The following ATRNL1 variants were observed in gnomAD, a reference collection of about 807,000 sequenced individuals.
ATRNL1 encodes attractin-like protein 1.
In ATRNL1, 95 loss-of-function variants were observed where a neutral mutation model predicts 182.7. The observed-to-expected ratio is 0.52, with a 90% CI of 0.44 to 0.62. ATRNL1 has a LOEUF of 0.62. ATRNL1 is among the 20% of genes least tolerant of loss of function. The pLI, the probability that ATRNL1 is intolerant of heterozygous loss-of-function variation, is 0.00. For missense variants in ATRNL1, 1,471 were observed against 1,679.5 expected, an observed-to-expected ratio of 0.88 and a Z score of 2.17; for synonymous variants, 576 against 568.3, an observed-to-expected ratio of 1.01 and a Z score of -0.19.
intron 26 of ATRNL1, among the ~76,000 whole-genome samples, chr10:115,562,524 C>T (rs1853818663): frequency 1.3e-5 from 2 of 152,022 alleles, no homozygotes; most frequent in South Asian, 4.1e-4. Context: ...TGTGTCCCAC[C>T]CAAATTTCAT....
intron 17 of ATRNL1, among the ~76,000 whole-genome samples, chr10:115,310,555 G>C (rs1486524983): frequency 6.6e-6 from 1 of 151,996 alleles, no homozygotes; most frequent in Non-Finnish European, 1.5e-5. Flanking sequence ...CCTAATTTAA[G>C]CTAGGAGAGT....
intron 27 of ATRNL1, among the ~76,000 whole-genome samples, chr10:115,811,061 G>A (rs1950036136): frequency 6.6e-6 from 1 of 151,680 alleles, no homozygotes; most frequent in African/African-American, 2.4e-5. Flanking sequence ...GTCCTAGGAG[G>A]GAAGCTTGGA....
intron 8 of ATRNL1, among the ~76,000 whole-genome samples, chr10:115,173,763 G>C (rs1053853155): frequency 6.6e-6 from 1 of 151,372 alleles, no homozygotes. Context: ...TATTGCCCTT[G>C]TTTTGTTTTT....
intron 21 of ATRNL1, among the ~76,000 whole-genome samples, chr10:115,444,547 T>C (rs1846863087): frequency 6.6e-6 from 1 of 151,970 alleles, no homozygotes; most frequent in Non-Finnish European, 1.5e-5. Flanking sequence ...TCTGTATAAT[T>C]ATATTTTTGT....
chr10:115,610,965 A>C (rs570509480), intron 26 of ATRNL1, among the ~76,000 whole-genome samples: 1 of 152,260 alleles, frequency 6.6e-6, no homozygotes, highest in Admixed American at 6.5e-5. Flanking sequence ...AATTTGTTCT[A>C]AAATTTTAAA....
intron 9 of ATRNL1, among the ~76,000 whole-genome samples, chr10:115,234,206 G>A (rs1850078437): frequency 6.6e-6 from 1 of 151,964 alleles, no homozygotes; most frequent in Non-Finnish European, 1.5e-5. Context: ...GTTTTGGTAA[G>A]ATATATTTAA....
Position 115,622,040 on chromosome 10 carries a change from GCA to G in ATRNL1, c.3795+72508_3795+72509del, listed in dbSNP as rs1483211946. On this transcript the variant is annotated intron_variant, in intron 26 of 28. Transcript: ENST00000355044. ...AGAGCAGAGGGCTCAGGTGACTGCT[GCA>G]CACTGTTCTTAAGAATTACTGCTTT... 4.6e-5 allele frequency among the ~76,000 whole-genome samples: 7 copies of G among 152,254 alleles called. No homozygotes were observed. In the East Asian group the frequency reaches 1.4e-3, roughly 29 times the overall value.
intron 24 of ATRNL1, among the ~76,000 whole-genome samples, chr10:115,501,888 A>G (rs115905265): frequency 0.034 from 5,171 of 152,060 alleles, 258 homozygotes; most frequent in African/African-American, 0.12. Flanking sequence ...TTTTTCCTCT[A>G]TTTACATATC....
intron 8 of ATRNL1, among the ~76,000 whole-genome samples, chr10:115,198,060 G>A (rs565174011): frequency 2.0e-5 from 3 of 152,116 alleles, no homozygotes; most frequent in South Asian, 4.1e-4. Context: ...TGGGCCATAC[G>A]GTAGTTCTAC....
intron 1 of ATRNL1, among the ~76,000 whole-genome samples, chr10:115,113,262 T>A (rs529976093): frequency 6.6e-6 from 1 of 152,328 alleles, no homozygotes; most frequent in African/African-American, 2.4e-5. Context: ...GAAAAACACC[T>A]GGGAAAGCTT....
chr10:115,267,306 T>C (rs1368237002), intron 12 of ATRNL1, among the ~76,000 whole-genome samples: 1 of 151,284 alleles, frequency 6.6e-6, no homozygotes, highest in Non-Finnish European at 1.5e-5. Flanking sequence ...GTACATCATT[T>C]CTAAGAAGTG....
In ATRNL1 at chr10:115,738,126, ATT is replaced by A. The variant is rs10546896; in HGVS notation, c.3903+10800_3903+10801del. Among the ~76,000 whole-genome samples the A allele has an allele frequency of 3.0e-3, 141 of 47,084 alleles. 1 individual carries two copies. The highest frequency in any genetic ancestry group is 4.3e-3 in the Non-Finnish European group (104 of 24,172). 30.9% of individuals were successfully genotyped at this position (47,084 alleles called of 152,430 possible). A position where few individuals can be genotyped will look rare whatever the true frequency, so the allele number is the denominator to read the frequency against. The stretch of plus-strand genomic sequence containing the variant: ...ATAAAAAATGATTTAGAAGATAATG[ATT>A]TTTTTTTTTTTTTTTTTTTTTTTTT... On this transcript the variant is annotated intron_variant, in intron 27 of 28. Transcript: ENST00000355044.
chr10:115,450,113 G>T (rs1246506289), intron 21 of ATRNL1, among the ~76,000 whole-genome samples: 4 of 151,912 alleles, frequency 2.6e-5, no homozygotes, highest in Non-Finnish European at 4.4e-5. Context: ...TATAACTTAG[G>T]TATTAAAGGA....
chr10:115,775,371 GTATACAGAGCTTTCTTTCT>G (rs1254251570), intron 27 of ATRNL1, among the ~76,000 whole-genome samples: 1 of 152,048 alleles, frequency 6.6e-6, no homozygotes, highest in Non-Finnish European at 1.5e-5. Context: ...TCAATTTATT[GTATACAGAGCTTTCTTTCT>G]TAATAGATTG....
At chr10:115,639,621 G>A (rs185142675) in intron 26 of ATRNL1, among the ~76,000 whole-genome samples, 313 of 152,300 alleles carry the variant, frequency 2.1e-3, no homozygotes, top group Non-Finnish European at 3.5e-3. Context: ...GCTGATACTG[G>A]TGAACTACTT....
At chr10:115,173,296 CT>C (rs1303805753) in intron 8 of ATRNL1, among the ~76,000 whole-genome samples, 1 of 151,722 alleles carries the variant, frequency 6.6e-6, no homozygotes, top group Non-Finnish European at 1.5e-5. Context: ...GTTTTCTTTT[CT>C]GATTTTGTTA....
chr10:115,234,374 A>T (rs1045282928), intron 9 of ATRNL1, among the ~76,000 whole-genome samples: 25 of 151,922 alleles, frequency 1.6e-4, no homozygotes, highest in Non-Finnish European at 2.6e-4. Flanking sequence ...ATATCTATGT[A>T]TTGTTTTTGA....
intron 24 of ATRNL1, among the ~76,000 whole-genome samples, chr10:115,472,108 G>C (rs1197331064): frequency 6.6e-6 from 1 of 150,834 alleles, no homozygotes; most frequent in East Asian, 1.9e-4. Context: ...AAGAGACTGT[G>C]TTTCCTTTAC....
In ATRNL1 at chr10:115,171,294, T is replaced by C; in HGVS notation, c.1348+2T>C. 6.5e-7 allele frequency: 1 copy of C among 1,548,846 alleles called. No individual in the cohort carries two copies. Among genetic ancestry groups the C allele is most frequent in the Non-Finnish European group, 8.8e-7 (1 of 1,138,672 alleles). On this transcript the variant is annotated splice_donor_variant, in intron 8 of 28. Transcript: ENST00000355044. LOFTEE classifies it high-confidence loss of function. ...GCAGCATACAGGAATACCATATCTG[T>C]GAGTTACTTAAAAATTGTAATTTCT... is the stretch of plus-strand genomic sequence containing the variant.
Sources: allele counts gnomAD v4.1 joint callset (sites outside exome capture counted in the v4.1 genomes callset), GRCh38; gene constraint gnomAD v4.1.1; transcripts MANE v1.5; gene names NCBI Gene and HGNC (gene_info 2026-07-23, HGNC 2026-07-21).